The following AP3D1 variants were observed in gnomAD, a reference collection of about 807,000 sequenced individuals.
AP3D1 encodes the protein AP-3 complex subunit delta-1.
A neutral mutation model predicts 147.6 loss-of-function variants in AP3D1; 51 were observed. The ratio of observed to expected loss-of-function variants is 0.35; its 90% confidence interval spans 0.28 to 0.44. The LOEUF (loss-of-function observed/expected upper bound fraction) is 0.44, where lower values mean the gene tolerates loss of function less well. Among genes scored for constraint, AP3D1 ranks in the 20% least tolerant of loss-of-function variants. The pLI, the probability that AP3D1 is intolerant of heterozygous loss-of-function variation, is 1.00. For synonymous variants in AP3D1, 760 were observed against 663.0 expected (o/e 1.15, Z -2.25); for missense variants, 1,421 against 1,624.2 (o/e 0.87, Z 2.15).
rs374725507 is a variant in AP3D1 at position 2,109,953 on chromosome 19, G to T, written c.3270C>A (p.Asp1090Glu). 6.2e-7 allele frequency: 1 copy of T among 1,613,642 alleles called. No homozygotes were observed. Among genetic ancestry groups the T allele is most frequent in the Non-Finnish European group, 8.5e-7 (1 of 1,179,960 alleles). ...CCAGCTTCTCGTGGGTCGCACCCTC[G>T]TCATTCTGCGGTGGAGTGAAGGTGG... Reference protein sequence around the residue: ...KGTLSFIAKNDEGATHEKLDF... With the variant: ...KGTLSFIAKNEEGATHEKLDF... Residue 1090 changes from aspartate (D) to glutamate (E), a missense_variant, in exon 29 of 32, where the codon GAC becomes GAA. By Grantham distance (45) the Asp-to-Glu change is conservative. Transcript: ENST00000643116.
intron 10 of AP3D1, 135 bp downstream of exon 10, chr19:2,123,695 G>A (rs1343651456): frequency 1.8e-6 from 2 of 1,095,548 alleles, no homozygotes; most frequent in Admixed American, 2.0e-5. Flanking sequence ...ACAGGACGCG[G>A]CTGTGCCCTC....
At chr19:2,122,677 T>A (rs964091509) in intron 11 of AP3D1, among the ~76,000 whole-genome samples, 6 of 152,232 alleles carry the variant, frequency 3.9e-5, no homozygotes, top group African/African-American at 1.2e-4. Flanking sequence ...ACGAAAGGTA[T>A]GTGATCGCGG....
At chr19:2,145,108 T>C (rs1275999594) in intron 1 of AP3D1, among the ~76,000 whole-genome samples, 1 of 152,142 alleles carries the variant, frequency 6.6e-6, no homozygotes, top group African/African-American at 2.4e-5. Flanking sequence ...ATCTCAACTG[T>C]TCAAAGAAAG....
chr19:2,123,632 C>T (rs1039199291), intron 10 of AP3D1, among the ~76,000 whole-genome samples, 198 bp downstream of exon 10: 2 of 152,192 alleles, frequency 1.3e-5, no homozygotes, highest in African/African-American at 4.8e-5. Flanking sequence ...CCCATGCATC[C>T]ACCCCACAGA....
chr19:2,113,111 C>G (rs2018333800), intron 23 of AP3D1, 144 bp from the exon 24 acceptor site: 1 of 654,968 alleles, frequency 1.5e-6, no homozygotes, highest in Non-Finnish European at 2.6e-6. Context: ...TGACAGGGAG[C>G]CTGTGAGCAC....
At chr19:2,116,428 T>C (rs965911849) in intron 17 of AP3D1, 150 bp from the exon 18 acceptor site, 6 of 1,217,452 alleles carry the variant, frequency 4.9e-6, no homozygotes, top group African/African-American at 1.5e-5. Context: ...AGGCCCGCAA[T>C]TGGGAAGAGC....
chr19:2,156,481 A>G (rs968619629), upstream of AP3D1, among the ~76,000 whole-genome samples: 17 of 151,542 alleles, frequency 1.1e-4, no homozygotes, highest in African/African-American at 4.1e-4. Context: ...TCACCCATCC[A>G]CCGATCCACT....
At chr19:2,164,397 C>T (rs996557324) in exon 1 of AP3D1, 2 of 532,672 alleles carry the variant, frequency 3.8e-6, no homozygotes, top group South Asian at 9.3e-5. Flanking sequence ...TCCACTGTCG[C>T]TGCTCCACCC....
At chr19:2,163,735 G>A (rs968547549) in intron 1 of AP3D1, among the ~76,000 whole-genome samples, 4 of 151,920 alleles carry the variant, frequency 2.6e-5, no homozygotes, top group Admixed American at 2.6e-4. Context: ...GGGGGAAGGG[G>A]TCGGCCGAGG....
At chr19:2,118,135 G>A (rs1002105508) in intron 15 of AP3D1, among the ~76,000 whole-genome samples, 1 of 152,136 alleles carries the variant, frequency 6.6e-6, no homozygotes, top group African/African-American at 2.4e-5. Context: ...ACTCCAGCCT[G>A]GGCAAAGGAG....
chr19:2,126,054 G>A (rs1355425554), intron 9 of AP3D1, among the ~76,000 whole-genome samples: 2 of 152,192 alleles, frequency 1.3e-5, no homozygotes, highest in African/African-American at 4.8e-5. Flanking sequence ...TTAAGCCCGG[G>A]AGGTCAAGGC....
At chr19:2,131,184 C>T (rs1029577733) in intron 5 of AP3D1, among the ~76,000 whole-genome samples, 3 of 152,280 alleles carry the variant, frequency 2.0e-5, no homozygotes, top group African/African-American at 7.2e-5. Flanking sequence ...TGGCCCTGTG[C>T]CGCAGCCTGC....
At chr19:2,154,197 C>T (rs187569614), upstream of AP3D1, among the ~76,000 whole-genome samples, 3 of 152,128 alleles carry the variant, frequency 2.0e-5, no homozygotes, top group African/African-American at 2.4e-5. Flanking sequence ...ATCCGCCTTC[C>T]TTGGCCTCCC....
chr19:2,102,470 T>C lies in AP3D1; in HGVS notation c.3553-202A>G, dbSNP rs557797848. Among the ~76,000 whole-genome samples the C allele has an allele frequency of 7.6e-4, 116 of 152,188 alleles. 1 individual carries two copies. The highest frequency in any genetic ancestry group is 2.7e-3 in the African/African-American group (112 of 41,514). On this transcript the variant is annotated intron_variant, in intron 31 of 31. Transcript: ENST00000643116. ...ATGGCCGGGTGCGGTGGCTCACGCCTGTAATCCCAGCACTTTAGGAGGCTG... is the reference window on the plus strand; with the variant it reads ...ATGGCCGGGTGCGGTGGCTCACGCCCGTAATCCCAGCACTTTAGGAGGCTG...
chr19:2,121,565 G>A (rs542658872), intron 12 of AP3D1, among the ~76,000 whole-genome samples, 169 bp downstream of exon 12: 4 of 152,338 alleles, frequency 2.6e-5, no homozygotes, highest in South Asian at 4.1e-4. Context: ...CACAGGCCCT[G>A]GAAGACAGGC....
Position 2,151,396 on chromosome 19 carries a change from G to C in AP3D1, c.-62C>G. Reference sequence around the variant, plus strand: ...CGGCTGGGCGCCGTGAGGGGGCCCGGGGCCCGTGCCTGCCGCCCGCGGAGC... The same window carrying C: ...CGGCTGGGCGCCGTGAGGGGGCCCGCGGCCCGTGCCTGCCGCCCGCGGAGC... On this transcript the variant is annotated 5_prime_UTR_variant, in exon 1 of 32. Transcript: ENST00000643116. 1 of 1,172,004 alleles carries C rather than the reference G, an allele frequency of 8.5e-7. No individual in the cohort carries two copies. Among genetic ancestry groups the C allele is most frequent in the Non-Finnish European group, 1.1e-6 (1 of 917,830 alleles). The allele number at this position is 1,172,004 out of a possible 1,614,324, so 72.6% of individuals were successfully genotyped here.
chr19:2,130,618 A>C lies in AP3D1; in HGVS notation c.463-81T>G, dbSNP rs1416118313. On this transcript the variant is annotated intron_variant, in intron 5 of 31. Coordinates refer to ENST00000643116, the MANE Select transcript of AP3D1 (RefSeq NM_001261826.3). ...CGCCCCTCCCAGCCGCCTCCTCCAC[A>C]GAGAGGAGATGCCCTCCAGCCCGAC... 3 of 1,582,228 alleles carry C rather than the reference A, an allele frequency of 1.9e-6. No homozygotes were observed. The African/African-American group carries it at 4.0e-5, about 21-fold the overall frequency.
At chr19:2,107,064 C>A (rs929454961) in intron 31 of AP3D1, among the ~76,000 whole-genome samples, 1 of 151,884 alleles carries the variant, frequency 6.6e-6, no homozygotes, top group African/African-American at 2.4e-5. Flanking sequence ...AAGATTGAGA[C>A]CATCCTGGCT....
At chr19:2,142,083 T>A (rs1460348144) in intron 1 of AP3D1, among the ~76,000 whole-genome samples, 1 of 151,640 alleles carries the variant, frequency 6.6e-6, no homozygotes, top group Non-Finnish European at 1.5e-5. Context: ...AGTGGTGTGA[T>A]CTCGGCTCAC....
Sources: allele counts gnomAD v4.1 joint callset (sites outside exome capture counted in the v4.1 genomes callset), GRCh38; gene constraint gnomAD v4.1.1; transcripts MANE v1.5; gene names NCBI Gene and HGNC (gene_info 2026-07-23, HGNC 2026-07-21).